DYSF: variants seen among roughly 807,000 people sequenced by gnomAD.
The protein encoded by DYSF is dystrophy-associated fer-1-like 1.
In DYSF, 212 loss-of-function variants were observed where a neutral mutation model predicts 274.9. That is an observed-to-expected ratio of 0.77 (90% confidence interval 0.69 to 0.86). The LOEUF (loss-of-function observed/expected upper bound fraction) is 0.86, where lower values mean the gene tolerates loss of function less well. Among genes scored for constraint, DYSF ranks in the 40% least tolerant of loss-of-function variants. The pLI, the probability that DYSF is intolerant of heterozygous loss-of-function variation, is 0.00. For synonymous variants in DYSF, 1,091 were observed against 1,078.7 expected (o/e 1.01, Z -0.22); for missense variants, 2,666 against 2,783.2 (o/e 0.96, Z 0.95).
At chr2:71,584,125 G>T (rs1377567459) in intron 30 of DYSF, among the ~76,000 whole-genome samples, 1 of 151,414 alleles carries the variant, frequency 6.6e-6, no homozygotes, top group African/African-American at 2.4e-5. Flanking sequence ...GAATGTGACT[G>T]TGGGAAACCC....
intron 51 of DYSF, among the ~76,000 whole-genome samples, chr2:71,671,104 C>T (rs1363472045): frequency 6.6e-6 from 1 of 152,142 alleles, no homozygotes; most frequent in East Asian, 1.9e-4. Flanking sequence ...GCCTAACATG[C>T]AGGATCATCT....
chr2:71,566,239 G>GTGC lies in DYSF; in HGVS notation c.2566-1706_2566-1704dup, dbSNP rs1490529685. ...GAGAGTGGCGGGGGCGGGGCGGGGG[G>GTGC]TGCTGCTGAATTGTGCCTGGTGGAC... On this transcript the variant is annotated intron_variant, in intron 24 of 55. Transcript: ENST00000410020. Among the ~76,000 whole-genome samples, 42 of 150,244 alleles carry GTGC rather than the reference G, an allele frequency of 2.8e-4. 1 individual carries two copies. Among genetic ancestry groups the GTGC allele is most frequent in the African/African-American group, 9.6e-4 (39 of 40,800 alleles).
intron 52 of DYSF, among the ~76,000 whole-genome samples, chr2:71,677,083 T>C (rs1384481907): frequency 6.6e-6 from 1 of 152,060 alleles, no homozygotes; most frequent in Non-Finnish European, 1.5e-5. Flanking sequence ...CGATATACAG[T>C]TGAATAAGTG....
Position 71,568,032 on chromosome 2 carries a change from AAGG to A in DYSF, c.2650_2652del (p.Glu884del), listed in dbSNP as rs1478685413. 1 of 1,613,984 alleles carries A rather than the reference AAGG, an allele frequency of 6.2e-7. No homozygotes were observed. Among genetic ancestry groups the A allele is most frequent in the Non-Finnish European group, 8.5e-7 (1 of 1,180,028 alleles). Reference sequence around the variant, plus strand: ...GTGGTTTGGGCTCTCAGTGGATGAGAAGGAGTTCAACCAGTTTGCTGAGGGGAA... The same window carrying A: ...GTGGTTTGGGCTCTCAGTGGATGAGAAGTTCAACCAGTTTGCTGAGGGGAA... On this transcript the variant is annotated inframe_deletion, in exon 25 of 56. Transcript: ENST00000410020.
At chr2:71,569,431 T>C (rs902483936) in intron 26 of DYSF, among the ~76,000 whole-genome samples, 2 of 152,252 alleles carry the variant, frequency 1.3e-5, no homozygotes, top group African/African-American at 4.8e-5. Context: ...CTGTGGTGTT[T>C]AACTTTTTTT....
At chr2:71,466,296 C>T (rs1233533113), upstream of DYSF, among the ~76,000 whole-genome samples, 1 of 152,204 alleles carries the variant, frequency 6.6e-6, no homozygotes, top group Non-Finnish European at 1.5e-5. Flanking sequence ...GACACACTCT[C>T]GTCCCCGCCG....
chr2:71,491,726 C>G (rs2083869498), intron 3 of DYSF, among the ~76,000 whole-genome samples: 1 of 152,200 alleles, frequency 6.6e-6, no homozygotes, highest in South Asian at 2.1e-4. Flanking sequence ...ATCCATGTTC[C>G]TGCAAAGGAC....
chr2:71,623,385 C>T (rs371491702), intron 41 of DYSF, among the ~76,000 whole-genome samples: 11 of 142,214 alleles, frequency 7.7e-5, no homozygotes, highest in African/African-American at 2.9e-4. Flanking sequence ...TCCACGTGAT[C>T]TCATTGTTCA....
At chr2:71,684,176 G>T (rs529741263) in intron 55 of DYSF, among the ~76,000 whole-genome samples, 1 of 151,620 alleles carries the variant, frequency 6.6e-6, no homozygotes, top group Non-Finnish European at 1.5e-5. Flanking sequence ...GCAGGGACTC[G>T]AGGTGTGTAC....
At chr2:71,658,715 G>A (rs1396807413) in intron 43 of DYSF, among the ~76,000 whole-genome samples, 163 bp from the exon 44 acceptor site, 1 of 152,164 alleles carries the variant, frequency 6.6e-6, no homozygotes, top group Non-Finnish European at 1.5e-5. Context: ...AGAATAGCAT[G>A]GGAAAGACTG....
intron 36 of DYSF, among the ~76,000 whole-genome samples, chr2:71,606,042 C>T (rs897284539): frequency 3.3e-5 from 5 of 152,110 alleles, no homozygotes; most frequent in Admixed American, 2.0e-4. Flanking sequence ...ACTGATGACC[C>T]GGCTGATGCA....
chr2:71,496,011 C>T (rs1162349589), intron 3 of DYSF, among the ~76,000 whole-genome samples: 1 of 151,896 alleles, frequency 6.6e-6, no homozygotes, highest in African/African-American at 2.4e-5. Flanking sequence ...TGCAGAGCTG[C>T]ACCCTCAGTG....
Position 71,598,705 on chromosome 2 carries a change from C to A in DYSF, c.3716C>A (p.Pro1239Gln), listed in dbSNP as rs368556029. The A allele has an allele frequency of 6.2e-7, 1 of 1,613,492 alleles. No individual in the cohort carries two copies. Among genetic ancestry groups the A allele is most frequent in the African/African-American group, 1.3e-5 (1 of 74,902 alleles). Reference sequence around the variant, plus strand: ...GAGCCGGCCACAGTTGCTGAGCAACCGCCCAGCATTGTGGTGGAGCTGTAC... The same window carrying A: ...GAGCCGGCCACAGTTGCTGAGCAACAGCCCAGCATTGTGGTGGAGCTGTAC... ...FGEPATVAEQ[P>Q]PSIVVELYDH... Residue 1239 changes from proline (P) to glutamine (Q), a missense_variant, in exon 33 of 56, where the codon CCG (proline) becomes CAG (glutamine). By Grantham distance (76) the Pro-to-Gln change is moderately conservative. Coordinates refer to ENST00000410020, the MANE Select transcript of DYSF (RefSeq NM_001130987.2).
At chr2:71,503,996 G>A (rs533188738) in intron 4 of DYSF, among the ~76,000 whole-genome samples, 17 of 152,338 alleles carry the variant, frequency 1.1e-4, no homozygotes, top group Admixed American at 3.9e-4. Flanking sequence ...AACTACTTCC[G>A]CCCTGTGAGG....
intron 3 of DYSF, among the ~76,000 whole-genome samples, chr2:71,495,621 C>A (rs1024457306): frequency 6.6e-6 from 1 of 152,110 alleles, no homozygotes; most frequent in African/African-American, 2.4e-5. Flanking sequence ...TAGCTTGTCT[C>A]CTGTCCACTT....
chr2:71,533,071 G>A (rs1263095550), intron 14 of DYSF, among the ~76,000 whole-genome samples: 1 of 152,134 alleles, frequency 6.6e-6, no homozygotes, highest in Non-Finnish European at 1.5e-5. Flanking sequence ...CCAGGCTGGA[G>A]TGCAGTGGTG....
chr2:71,526,421 C>CGGGGGG, intron 13 of DYSF, 75 bp downstream of exon 13: 1 of 272,074 alleles, frequency 3.7e-6, no homozygotes, highest in Non-Finnish European at 6.7e-6. Flanking sequence ...TGGGCGATGG[C>CGGGGGG]GGGCGGGGTC....
At position 71,664,710 on chromosome 2, in the gene DYSF, A is replaced by C. The variant is rs1045561646; in HGVS notation, c.5174+272A>C. On this transcript the variant is annotated intron_variant, in intron 46 of 55. Coordinates refer to ENST00000410020, the MANE Select transcript of DYSF (RefSeq NM_001130987.2). ...GTTATAATCCAGTTATCTGTAATGC[A>C]CATAGAAGGCCTAGAGAGGGCTAGG... Among the ~76,000 whole-genome samples the C allele has an allele frequency of 2.6e-5, 4 of 152,228 alleles. No homozygotes were observed. In the East Asian group the frequency reaches 7.7e-4, roughly 29 times the overall value.
Position 71,664,320 on chromosome 2 carries a change from C to T in DYSF, c.5056C>T (p.Leu1686Phe). The stretch of plus-strand genomic sequence containing the variant: ...TCTGGAGAAGGACCTAAAGATCACT[C>T]TCTATGACTATGACCTCCTCTCCAA... ...LPLEKDLKIT[L>F]YDYDLLSKDE... The change falls in exon 46 of 56, where the codon CTC (leucine) becomes TTC (phenylalanine). Residue 1686 changes from leucine (L) to phenylalanine (F), a missense_variant. This residue lies in a region of DYSF where 1,460 missense variants were observed against 1,502.1 expected (regional missense o/e 0.97). Coordinates refer to ENST00000410020, the MANE Select transcript of DYSF (RefSeq NM_001130987.2). 3 of 1,614,202 alleles carry T rather than the reference C, an allele frequency of 1.9e-6. No homozygotes were observed. Among genetic ancestry groups the T allele is most frequent in the Middle Eastern group, 1.6e-4 (1 of 6,062 alleles).
Sources: gnomAD v4.1 joint callset for allele counts (sites outside exome capture counted in the v4.1 genomes callset) on GRCh38, gnomAD v4.1.1 for gene constraint, gnomAD v4.1.1 regional missense constraint, MANE v1.5 for transcripts, NCBI Gene and HGNC (gene_info 2026-07-23, HGNC 2026-07-21) for gene names.